Variants in TMEM200A observed in about 807,000 individuals in gnomAD.
TMEM200A encodes the protein two transmembrane C.
TMEM200A carries 12 observed loss-of-function variants against 24.3 expected under a neutral mutation model. The ratio of observed to expected loss-of-function variants is 0.49; its 90% confidence interval spans 0.32 to 0.80. TMEM200A has a LOEUF of 0.80. TMEM200A is among the 30% of genes least tolerant of loss of function. The pLI, the probability that TMEM200A is intolerant of heterozygous loss-of-function variation, is 0.04. For missense variants in TMEM200A, 545 were observed against 614.4 expected, an observed-to-expected ratio of 0.89 and a Z score of 1.19; for synonymous variants, 224 against 224.4, an observed-to-expected ratio of 1.00 and a Z score of 0.02.
At chr6:130,430,223 C>T (rs1779843490) in intron 2 of TMEM200A, among the ~76,000 whole-genome samples, 2 of 152,080 alleles carry the variant, frequency 1.3e-5, no homozygotes. Context: ...TGTGTCCTCA[C>T]ATGGTAGAAG....
At position 130,442,818 on chromosome 6, in the gene TMEM200A, G is replaced by A. The variant is rs765159269; in HGVS notation, c.*920G>A. 3.0e-5 allele frequency: 5 copies of A among 166,592 alleles called. No individual in the cohort carries two copies. Among genetic ancestry groups the A allele is most frequent in the African/African-American group, 1.2e-4 (5 of 41,282 alleles). 10.3% of individuals were successfully genotyped at this position (166,592 alleles called of 1,614,324 possible). ...TCATTCCCACATTCTATTTTCCCCCGGTATTCTTTAGATCCTAGTATTTGG... is the reference window on the plus strand; with the variant it reads ...TCATTCCCACATTCTATTTTCCCCCAGTATTCTTTAGATCCTAGTATTTGG... On this transcript the variant is annotated 3_prime_UTR_variant, in exon 3 of 3. Coordinates refer to ENST00000296978, the MANE Select transcript of TMEM200A (RefSeq NM_001258277.2).
chr6:130,378,722 CAAA>C (rs56819618), intron 1 of TMEM200A, among the ~76,000 whole-genome samples: 3 of 56,330 alleles, frequency 5.3e-5, no homozygotes, highest in Admixed American at 1.8e-4. Flanking sequence ...GACTCCGTCT[CAAA>C]AAAAAAAAAA....
At chr6:130,394,348 C>T (rs1301280592) in intron 2 of TMEM200A, among the ~76,000 whole-genome samples, 1 of 152,196 alleles carries the variant, frequency 6.6e-6, no homozygotes, top group East Asian at 1.9e-4. Context: ...TTCGCACCCA[C>T]AGAAGGGAAT....
chr6:130,414,787 C>G (rs1169428949), intron 2 of TMEM200A, among the ~76,000 whole-genome samples: 2 of 152,166 alleles, frequency 1.3e-5, no homozygotes, highest in African/African-American at 2.4e-5. Flanking sequence ...TACTATGTGT[C>G]AGGCACTATG....
chr6:130,414,471 A>C (rs1056977280), intron 2 of TMEM200A, among the ~76,000 whole-genome samples: 1 of 151,550 alleles, frequency 6.6e-6, no homozygotes, highest in Non-Finnish European at 1.5e-5. Context: ...TCTAGAAAAT[A>C]TTAGGTATAT....
intron 2 of TMEM200A, among the ~76,000 whole-genome samples, chr6:130,411,966 T>A (rs1331667699): frequency 6.6e-6 from 1 of 152,172 alleles, no homozygotes; most frequent in African/African-American, 2.4e-5. Context: ...ATTATTATGG[T>A]CTTGTAGTTT....
At chr6:130,426,593 A>G (rs997877260) in intron 2 of TMEM200A, among the ~76,000 whole-genome samples, 1 of 152,040 alleles carries the variant, frequency 6.6e-6, no homozygotes, top group African/African-American at 2.4e-5. Flanking sequence ...CCATCTGTGA[A>G]TCAAAGTTGT....
chr6:130,389,952 A>G (rs1778797000), intron 2 of TMEM200A, among the ~76,000 whole-genome samples: 1 of 152,242 alleles, frequency 6.6e-6, no homozygotes, highest in Non-Finnish European at 1.5e-5. Context: ...AAAATTGCTC[A>G]TACTGATAAC....
chr6:130,399,979 T>G (rs1779044186), intron 2 of TMEM200A, among the ~76,000 whole-genome samples: 1 of 152,076 alleles, frequency 6.6e-6, no homozygotes, highest in Admixed American at 6.6e-5. Context: ...AATAATAGTT[T>G]CCAATCTCAT....
At chr6:130,409,675 T>C (rs1039896194) in intron 2 of TMEM200A, among the ~76,000 whole-genome samples, 1 of 152,114 alleles carries the variant, frequency 6.6e-6, no homozygotes, top group African/African-American at 2.4e-5. Flanking sequence ...GACTAGCAGG[T>C]GGTTAGACAA....
intron 2 of TMEM200A, among the ~76,000 whole-genome samples, chr6:130,430,764 C>T (rs1779857257): frequency 6.6e-6 from 1 of 152,122 alleles, no homozygotes; most frequent in South Asian, 2.1e-4. Context: ...TTCTACCTTG[C>T]TTTAAGGATG....
At chr6:130,367,165 T>A (rs1415597849) in intron 1 of TMEM200A, among the ~76,000 whole-genome samples, 1 of 152,210 alleles carries the variant, frequency 6.6e-6, no homozygotes, top group African/African-American at 2.4e-5. Context: ...TAACAATTCA[T>A]TGTTCAGTAC....
intron 2 of TMEM200A, among the ~76,000 whole-genome samples, chr6:130,427,848 C>G (rs537694377): frequency 2.0e-5 from 3 of 150,532 alleles, no homozygotes; most frequent in Admixed American, 2.0e-4. Context: ...CTGTTTTTTT[C>G]TTCTGTGAAT....
chr6:130,415,290 A>G (rs1779423501), intron 2 of TMEM200A, among the ~76,000 whole-genome samples: 2 of 152,192 alleles, frequency 1.3e-5, no homozygotes, highest in African/African-American at 4.8e-5. Flanking sequence ...TGAGCACATA[A>G]TAAGGTACTA....
chr6:130,412,414 T>C (rs918600170), intron 2 of TMEM200A, among the ~76,000 whole-genome samples: 2 of 152,082 alleles, frequency 1.3e-5, no homozygotes, highest in African/African-American at 4.8e-5. Context: ...CCACTCCTCA[T>C]CCACCTTGCC....
At chr6:130,439,948 T>G (rs1780112871) in intron 2 of TMEM200A, among the ~76,000 whole-genome samples, 2 of 152,118 alleles carry the variant, frequency 1.3e-5, no homozygotes, top group South Asian at 4.1e-4. Context: ...GGAGTGTTTG[T>G]TTTTGACCTA....
At chr6:130,423,165 G>A (rs543096747) in intron 2 of TMEM200A, among the ~76,000 whole-genome samples, 11 of 152,192 alleles carry the variant, frequency 7.2e-5, no homozygotes, top group South Asian at 4.2e-4. Flanking sequence ...GCTCTTTTTC[G>A]AATGGCTTAT....
intron 1 of TMEM200A, among the ~76,000 whole-genome samples, chr6:130,368,328 TAGATA>T (rs1778232982): frequency 6.6e-6 from 1 of 152,200 alleles, no homozygotes; most frequent in Admixed American, 6.5e-5. Flanking sequence ...CTTAGGAAGA[TAGATA>T]AGAACAAAGA....
intron 2 of TMEM200A, among the ~76,000 whole-genome samples, chr6:130,416,325 CTG>C (rs1554283332): frequency 9.0e-4 from 111 of 124,000 alleles, no homozygotes; most frequent in African/African-American, 2.1e-3. Context: ...TTCTCTCTCT[CTG>C]TCTCTCTCTC....
Sources: gnomAD v4.1 joint callset for allele counts (sites outside exome capture counted in the v4.1 genomes callset) on GRCh38, gnomAD v4.1.1 for gene constraint, MANE v1.5 for transcripts, NCBI Gene and HGNC (gene_info 2026-07-23, HGNC 2026-07-21) for gene names.